The following CDH18 variants were observed in gnomAD, a reference collection of about 807,000 sequenced individuals.
CDH18 encodes cadherin 18.
A neutral mutation model predicts 67.9 loss-of-function variants in CDH18; 31 were observed. The ratio of observed to expected loss-of-function variants is 0.46; its 90% CI spans 0.34 to 0.62. The LOEUF is 0.62. Among genes scored for constraint, CDH18 ranks in the 20% least tolerant of loss-of-function variants. The probability of loss-of-function intolerance (pLI) is 0.01; values close to 1 mark genes in which losing one functional copy is unlikely to be tolerated. For missense variants in CDH18, 890 were observed against 975.5 expected (o/e 0.91, Z 1.17); for synonymous variants, 362 against 347.2 (o/e 1.04, Z -0.48).
chr5:20,418,743 C>T (rs1747562887), intron 1 of CDH18, among the ~76,000 whole-genome samples: 2 of 151,946 alleles, frequency 1.3e-5, no homozygotes, highest in Admixed American at 1.3e-4. Context: ...TGTAAATATG[C>T]ATATGAATAT....
chr5:19,700,912 A>G (rs1763155510), intron 5 of CDH18, among the ~76,000 whole-genome samples: 1 of 152,154 alleles, frequency 6.6e-6, no homozygotes, highest in African/African-American at 2.4e-5. Context: ...AAAAGTGCAA[A>G]AAATTTAAGT....
chr5:19,570,740 C>CA (rs1561370922), intron 8 of CDH18, among the ~76,000 whole-genome samples: 2 of 151,970 alleles, frequency 1.3e-5, no homozygotes, highest in African/African-American at 4.8e-5. Context: ...TTTGATAATG[C>CA]AAAAAAGCTT....
intron 1 of CDH18, among the ~76,000 whole-genome samples, chr5:20,403,687 T>C (rs544324752): frequency 6.6e-6 from 1 of 152,332 alleles, no homozygotes; most frequent in African/African-American, 2.4e-5. Flanking sequence ...CAGGCTTTGT[T>C]GTTCCATTTA....
chr5:20,451,892 T>C (rs1750475969), intron 1 of CDH18, among the ~76,000 whole-genome samples: 2 of 152,150 alleles, frequency 1.3e-5, no homozygotes, highest in Non-Finnish European at 2.9e-5. Flanking sequence ...CAAAGTAACT[T>C]ATAGCCATGG....
chr5:19,993,261 A>C (rs1181700139), intron 2 of CDH18, among the ~76,000 whole-genome samples: 1 of 152,194 alleles, frequency 6.6e-6, no homozygotes, highest in African/African-American at 2.4e-5. Context: ...AATATGATTT[A>C]GATATTTCTA....
chr5:20,040,284 T>TA (rs1740306512), intron 2 of CDH18, among the ~76,000 whole-genome samples: 4 of 151,696 alleles, frequency 2.6e-5, no homozygotes, highest in Admixed American at 6.6e-5. Flanking sequence ...TAAAGAATAA[T>TA]ATTAATAATA....
intron 1 of CDH18, among the ~76,000 whole-genome samples, chr5:20,569,153 T>C (rs1758671633): frequency 6.6e-6 from 1 of 152,188 alleles, no homozygotes; most frequent in African/African-American, 2.4e-5. Context: ...GTCGTGTACA[T>C]ACCCACCTTC....
intron 1 of CDH18, among the ~76,000 whole-genome samples, chr5:20,332,237 G>C (rs1739252526): frequency 6.6e-6 from 1 of 152,174 alleles, no homozygotes; most frequent in Admixed American, 6.5e-5. Flanking sequence ...CCCAATAAGA[G>C]CAGGGTATTT....
In CDH18 at chr5:20,558,022, A is replaced by T. The variant is rs1017913753; in HGVS notation, c.-580+17440T>A. 2.2e-5 allele frequency among the ~76,000 whole-genome samples: 3 copies of T among 135,784 alleles called. 1 individual carries two copies. Among genetic ancestry groups the T allele is most frequent in the Non-Finnish European group, 3.2e-5 (2 of 61,960 alleles). 89.1% of individuals were successfully genotyped at this position (135,784 alleles called of 152,430 possible). Reference sequence around the variant, plus strand: ...AAATGTTATAGTTATATAACATTAAATGTTATAGTTATATAACATTAATTG... The same window carrying T: ...AAATGTTATAGTTATATAACATTAATTGTTATAGTTATATAACATTAATTG... On this transcript the variant is annotated intron_variant, in intron 1 of 14. Transcript: ENST00000507958.
intron 2 of CDH18, among the ~76,000 whole-genome samples, chr5:20,192,637 G>A (rs945398555): frequency 6.6e-6 from 1 of 152,026 alleles, no homozygotes; most frequent in Admixed American, 6.6e-5. Context: ...TTTTTGTCAG[G>A]TTTGTCAAAT....
At chr5:19,681,502 T>C (rs915294983) in intron 5 of CDH18, among the ~76,000 whole-genome samples, 1 of 152,062 alleles carries the variant, frequency 6.6e-6, no homozygotes, top group Non-Finnish European at 1.5e-5. Context: ...ATTGTGGCAG[T>C]GTCTCAAAAA....
intron 2 of CDH18, among the ~76,000 whole-genome samples, chr5:19,975,048 T>C (rs1055093045): frequency 2.6e-5 from 4 of 152,168 alleles, no homozygotes; most frequent in Non-Finnish European, 4.4e-5. Context: ...TAAAAAATGA[T>C]TACTACATGT....
At chr5:19,522,894 CAAAAA>C (rs36099222) in intron 9 of CDH18, among the ~76,000 whole-genome samples, 1 of 83,872 alleles carries the variant, frequency 1.2e-5, no homozygotes. Context: ...GACTCCTTCT[CAAAAA>C]AAAAAAAAAA....
intron 5 of CDH18, among the ~76,000 whole-genome samples, chr5:19,638,499 T>A (rs568083073): frequency 6.6e-6 from 1 of 152,128 alleles, no homozygotes; most frequent in Non-Finnish European, 1.5e-5. Flanking sequence ...AAGGTGGTAG[T>A]TAGATGAAGA....
chr5:20,356,080 T>C (rs1741582154), intron 1 of CDH18, among the ~76,000 whole-genome samples: 1 of 152,140 alleles, frequency 6.6e-6, no homozygotes, highest in Non-Finnish European at 1.5e-5. Flanking sequence ...TAAAACCCAC[T>C]CTAAAATTAA....
At chr5:19,559,711 G>A (rs1026791416) in intron 8 of CDH18, among the ~76,000 whole-genome samples, 1 of 151,986 alleles carries the variant, frequency 6.6e-6, no homozygotes, top group African/African-American at 2.4e-5. Context: ...TAATGATGAA[G>A]TCAGATTGTT....
intron 1 of CDH18, among the ~76,000 whole-genome samples, chr5:20,488,700 T>TATAC (rs369185147): frequency 0.055 from 7,468 of 136,864 alleles, 201 homozygotes; most frequent in Middle Eastern, 0.064. Context: ...TATATATATA[T>TATAC]ACACACACAT....
chr5:19,554,231 C>T (rs1304166453), intron 8 of CDH18, among the ~76,000 whole-genome samples: 2 of 152,204 alleles, frequency 1.3e-5, no homozygotes, highest in East Asian at 1.9e-4. Context: ...AACCTCTGCA[C>T]ATGCAATTAT....
At chr5:20,309,312 A>G (rs1736782168) in intron 1 of CDH18, among the ~76,000 whole-genome samples, 1 of 152,170 alleles carries the variant, frequency 6.6e-6, no homozygotes, top group Admixed American at 6.5e-5. Context: ...ATGCAAGCCT[A>G]GTTCAGAATA....
Sources: gnomAD v4.1 joint callset for allele counts (sites outside exome capture counted in the v4.1 genomes callset) on GRCh38, gnomAD v4.1.1 for gene constraint, MANE v1.5 for transcripts, NCBI Gene and HGNC (gene_info 2026-07-23, HGNC 2026-07-21) for gene names.